Variants in PTPRE observed in about 807,000 individuals in gnomAD.
PTPRE encodes the protein protein tyrosine phosphatase receptor type E, also known as receptor-type tyrosine-protein phosphatase epsilon.
A neutral mutation model predicts 102.0 loss-of-function variants in PTPRE; 51 were observed. The observed-to-expected ratio is 0.50, with a 90% CI of 0.40 to 0.63. PTPRE has a LOEUF of 0.63. Ranked by LOEUF, PTPRE falls within the 30% of genes least tolerant of loss-of-function variation. PTPRE has a pLI of 0.00. For synonymous variants in PTPRE, 345 were observed against 348.2 expected, an observed-to-expected ratio of 0.99 and a Z score of 0.10; for missense variants, 752 against 915.1, an observed-to-expected ratio of 0.82 and a Z score of 2.30.
chr10:127,935,742 T>C (rs974312415), intron 1 of PTPRE, among the ~76,000 whole-genome samples: 2 of 152,142 alleles, frequency 1.3e-5, no homozygotes, highest in Non-Finnish European at 2.9e-5. Context: ...GTCCCCTCAG[T>C]GCCCAGGCAC....
intron 1 of PTPRE, among the ~76,000 whole-genome samples, chr10:127,958,284 GA>G (rs1420117321): frequency 1.3e-5 from 2 of 152,302 alleles, no homozygotes; most frequent in South Asian, 2.1e-4. Flanking sequence ...ATCTTAGTGG[GA>G]AAATGTCTAG....
chr10:128,049,773 A>T lies in PTPRE; in HGVS notation c.420+107A>T. 6.0e-6 allele frequency: 9 copies of T among 1,503,152 alleles called. No homozygotes were observed. The South Asian group carries it at 1.1e-4, about 19-fold the overall frequency. The allele number at this position is 1,503,152 out of a possible 1,614,324, so 93.1% of individuals were successfully genotyped here. A position where few individuals can be genotyped will look rare whatever the true frequency, so the allele number is the denominator to read the frequency against. ...CCCAAAGACTCAGAACCCTTGCATC[A>T]GTTATGACACTGTCCCATGAATGGG... On this transcript the variant is annotated intron_variant, in intron 6 of 20. Coordinates refer to ENST00000254667, the MANE Select transcript of PTPRE (RefSeq NM_006504.6).
chr10:127,982,152 C>T (rs1040911208), intron 1 of PTPRE, 122 bp from the exon 2 acceptor site: 36 of 469,990 alleles, frequency 7.7e-5, no homozygotes, highest in African/African-American at 6.3e-4. Flanking sequence ...CTCCAGAAGA[C>T]CCTGAACAAT....
intron 6 of PTPRE, 29 bp downstream of exon 6, chr10:128,049,695 T>A (rs1848399458): frequency 6.2e-7 from 1 of 1,613,060 alleles, no homozygotes; most frequent in Non-Finnish European, 8.5e-7. Context: ...CTCTGCTGGG[T>A]GCCCTGTGGT....
intron 20 of PTPRE, among the ~76,000 whole-genome samples, chr10:128,080,231 T>C (rs1424941240): frequency 1.3e-5 from 2 of 152,226 alleles, no homozygotes; most frequent in East Asian, 3.8e-4. Context: ...TTTCTGGTTT[T>C]CAGAAGCGAT....
Position 127,947,779 on chromosome 10 carries a change from A to T in PTPRE, c.-30-34495A>T, listed in dbSNP as rs950811787. 2.0e-5 allele frequency among the ~76,000 whole-genome samples: 3 copies of T among 152,126 alleles called. No homozygotes were observed. In the South Asian group the frequency reaches 6.2e-4, roughly 31 times the overall value. On this transcript the variant is annotated intron_variant, in intron 1 of 20. Transcript: ENST00000254667. ...AGCTCAAGAAAAATCTCGGACTTAA[A>T]ATTCAGTCTACAAGAGAAACTGACA... is the stretch of plus-strand genomic sequence containing the variant.
chr10:127,958,851 T>C (rs550827894), intron 1 of PTPRE, among the ~76,000 whole-genome samples: 1 of 152,122 alleles, frequency 6.6e-6, no homozygotes, highest in South Asian at 2.1e-4. Flanking sequence ...ATTAATTATT[T>C]ATTTATTTTC....
At chr10:128,072,864 A>G (rs970470333) in intron 16 of PTPRE, among the ~76,000 whole-genome samples, 1 of 152,156 alleles carries the variant, frequency 6.6e-6, no homozygotes, top group East Asian at 1.9e-4. Flanking sequence ...TGGACAATAC[A>G]ATTATGTGTT....
At chr10:127,934,056 A>AC (rs1847647011) in intron 1 of PTPRE, 2 of 118,918 alleles carry the variant, frequency 1.7e-5, no homozygotes, top group Non-Finnish European at 1.7e-5. Context: ...ACACACACAC[A>AC]ACTGGTGATT....
intron 6 of PTPRE, among the ~76,000 whole-genome samples, chr10:128,051,768 C>A (rs912064392): frequency 6.6e-6 from 1 of 152,190 alleles, no homozygotes; most frequent in African/African-American, 2.4e-5. Flanking sequence ...GGTAGAGACG[C>A]GGTGGAGGGG....
chr10:127,978,813 G>T (rs1564844338), intron 1 of PTPRE, among the ~76,000 whole-genome samples: 1 of 152,114 alleles, frequency 6.6e-6, no homozygotes, highest in East Asian at 1.9e-4. Flanking sequence ...TTGAGGTCAG[G>T]AGTTGAAGAC....
intron 19 of PTPRE, among the ~76,000 whole-genome samples, chr10:128,078,992 G>T (rs530011192): frequency 2.0e-5 from 3 of 152,178 alleles, no homozygotes; most frequent in Admixed American, 2.0e-4. Context: ...CTCTTGTGGG[G>T]TTTATCAGCA....
intron 1 of PTPRE, among the ~76,000 whole-genome samples, chr10:127,955,748 G>C (rs1849354048): frequency 6.6e-6 from 1 of 152,236 alleles, no homozygotes; most frequent in Non-Finnish European, 1.5e-5. Flanking sequence ...ATGAAGAAAA[G>C]AGGTTTAATT....
chr10:127,935,287 C>G (rs945530337), intron 1 of PTPRE, among the ~76,000 whole-genome samples: 1 of 152,172 alleles, frequency 6.6e-6, no homozygotes. Flanking sequence ...GATGCGGTTG[C>G]GTCAGGAGTA....
At position 128,072,192 on chromosome 10, in the gene PTPRE, A is replaced by ACAT. The variant is rs1400486551; in HGVS notation, c.1445_1447dup (p.Ile482dup). The ACAT allele has an allele frequency of 6.2e-7, 1 of 1,613,890 alleles. No homozygotes were observed. Among genetic ancestry groups the ACAT allele is most frequent in the Non-Finnish European group, 8.5e-7 (1 of 1,179,940 alleles). ...AAAAGGGGTCAAGAATACACAGACT[A>ACAT]CATCAACGCATCCTTCATAGACGTA... On this transcript the variant is annotated inframe_insertion, in exon 16 of 21. Transcript: ENST00000254667.
chr10:128,073,837 C>T (rs923690415), intron 17 of PTPRE, among the ~76,000 whole-genome samples: 5 of 152,178 alleles, frequency 3.3e-5, no homozygotes, highest in African/African-American at 1.2e-4. Flanking sequence ...CAACAATGTA[C>T]ATCTATCTGG....
chr10:127,983,995 C>A (rs552673211), intron 2 of PTPRE, among the ~76,000 whole-genome samples: 1 of 152,182 alleles, frequency 6.6e-6, no homozygotes, highest in South Asian at 2.1e-4. Flanking sequence ...GCATCCACCA[C>A]GGGTAGTTGG....
At chr10:128,063,286 C>T in intron 10 of PTPRE, 106 bp downstream of exon 10, 2 of 1,507,736 alleles carry the variant, frequency 1.3e-6, no homozygotes, top group South Asian at 2.5e-5. Flanking sequence ...CTTCCTCCCA[C>T]TATCACTGCA....
chr10:127,962,464 C>T (rs909914374), intron 1 of PTPRE, among the ~76,000 whole-genome samples: 2 of 152,210 alleles, frequency 1.3e-5, no homozygotes, highest in South Asian at 2.1e-4. Flanking sequence ...GCAGCTGCTC[C>T]GCTGGACACA....
Sources: gnomAD v4.1 joint callset for allele counts (sites outside exome capture counted in the v4.1 genomes callset) on GRCh38, gnomAD v4.1.1 for gene constraint, MANE v1.5 for transcripts, NCBI Gene and HGNC (gene_info 2026-07-23, HGNC 2026-07-21) for gene names.